ZNF184: variants seen among roughly 807,000 people sequenced by gnomAD.
ZNF184 encodes zinc finger protein 184.
A neutral mutation model predicts 54.4 loss-of-function variants in ZNF184; 16 were observed. The observed-to-expected ratio is 0.29, with a 90% CI of 0.20 to 0.45. The LOEUF (loss-of-function observed/expected upper bound fraction) is 0.45, where lower values mean the gene tolerates loss of function less well. ZNF184 is among the 20% of genes least tolerant of loss of function. The probability of loss-of-function intolerance (pLI) is 1.00; values close to 1 mark genes in which losing one functional copy is unlikely to be tolerated. For missense variants in ZNF184, 681 were observed against 888.2 expected, an observed-to-expected ratio of 0.77 and a Z score of 2.97; for synonymous variants, 254 against 295.3, an observed-to-expected ratio of 0.86 and a Z score of 1.43.
the ZNF184 span, chr6:27,407,875 A>G: frequency 1.2e-6 from 1 of 821,344 alleles, no homozygotes; most frequent in Non-Finnish European, 2.2e-6. Flanking sequence ...AAAGGGAGTG[A>G]ACAGGCACCA....
At chr6:27,411,974 G>A in the ZNF184 span, among the ~76,000 whole-genome samples, 1 of 152,138 alleles carries the variant, frequency 6.6e-6, no homozygotes, top group African/African-American at 2.4e-5. Context: ...AGGAGCCTCT[G>A]GGCACTACTC....
At chr6:27,427,116 TAAAAAAAA>T in the ZNF184 span, among the ~76,000 whole-genome samples, 1 of 106,910 alleles carries the variant, frequency 9.4e-6, no homozygotes, top group Non-Finnish European at 1.8e-5. Context: ...ACACTCTATG[TAAAAAAAA>T]AAAAAAAAAA....
At chr6:27,455,483 T>C (rs530415798) in intron 5 of ZNF184, among the ~76,000 whole-genome samples, 76 of 152,344 alleles carry the variant, frequency 5.0e-4, no homozygotes, top group South Asian at 1.5e-3. Flanking sequence ...TAATAAAACT[T>C]GACAACTTGC....
the ZNF184 span, among the ~76,000 whole-genome samples, chr6:27,417,416 C>A: frequency 6.6e-6 from 1 of 151,546 alleles, no homozygotes; most frequent in African/African-American, 2.4e-5. Flanking sequence ...TTTCAGGGTT[C>A]CAGGGATGTT....
rs145998198 is a variant in ZNF184, at chr6:27,472,453, G to T, written c.-139-20C>A. On this transcript the variant is annotated intron_variant, in intron 1 of 5. Transcript: ENST00000683788. The surrounding 1 kb of genome is among the most constrained non-coding windows in gnomAD (Gnocchi z 4.8). ...TCTACCCTAAAAGACACAGGATGGC[G>T]TCAGCAGCATACGTCACACAATCAC... 6.3e-3 allele frequency: 5,268 copies of T among 830,750 alleles called. 98 individuals carry two copies. The highest frequency in any genetic ancestry group is 0.011 in the Middle Eastern group (43 of 3,872). The allele number at this position is 830,750 out of a possible 1,614,324, so 51.5% of individuals were successfully genotyped here.
At chr6:27,464,370 T>TG (rs1763071131) in intron 3 of ZNF184, among the ~76,000 whole-genome samples, 3 of 151,928 alleles carry the variant, frequency 2.0e-5, no homozygotes, top group African/African-American at 4.8e-5. Flanking sequence ...AAAACTGTGG[T>TG]GGGGGGAATG....
At position 27,453,343 on chromosome 6, in the gene ZNF184, A is replaced by G; in HGVS notation, c.299-83T>C. ...GTGGGAATAATATAATGATACTGAA[A>G]AATAAATCTCTCAGAAAATTCTAAT... On this transcript the variant is annotated intron_variant, in intron 5 of 5. Transcript: ENST00000683788. The surrounding 1 kb of genome is among the most constrained non-coding windows in gnomAD (Gnocchi z 4.7). 2 of 1,319,606 alleles carry G rather than the reference A, an allele frequency of 1.5e-6. No homozygotes were observed. 81.7% of individuals were successfully genotyped at this position (1,319,606 alleles called of 1,614,324 possible).
Position 27,472,239 on chromosome 6 carries a change from T to C in ZNF184, c.7+49A>G, listed in dbSNP as rs1763294065. On this transcript the variant is annotated intron_variant, in intron 2 of 5. Coordinates refer to ENST00000683788, the MANE Select transcript of ZNF184 (RefSeq NM_001318891.2). The surrounding 1 kb of genome is among the most constrained non-coding windows in gnomAD (Gnocchi z 4.8). ...AAGTATTTGATACTCCAGTCATGACTGTTCTCAAGCCTCCATCACCCCGCT... is the reference window on the plus strand; with the variant it reads ...AAGTATTTGATACTCCAGTCATGACCGTTCTCAAGCCTCCATCACCCCGCT... 8 of 1,612,388 alleles carry C rather than the reference T, an allele frequency of 5.0e-6. No homozygotes were observed. The highest frequency in any genetic ancestry group is 6.8e-6 in the Non-Finnish European group (8 of 1,178,880).
At chr6:27,439,600 A>G in the ZNF184 span, among the ~76,000 whole-genome samples, 6 of 152,222 alleles carry the variant, frequency 3.9e-5, no homozygotes, top group African/African-American at 1.4e-4. Context: ...ATCTCATCAC[A>G]TAGGTATCTT....
At chr6:27,422,152 G>GAAAGAAAGAAAGAAAGAA in the ZNF184 span, among the ~76,000 whole-genome samples, 1 of 18,144 alleles carries the variant, frequency 5.5e-5, no homozygotes, top group East Asian at 1.1e-3. Flanking sequence ...AAAAAAAAAA[G>GAAAGAAAGAAAGAAAGAA]AAAGAAAGAA....
chr6:27,467,948 CTTCTGTTCAA>C, intron 2 of ZNF184, 28 bp from the exon 3 acceptor site: 1 of 1,540,320 alleles, frequency 6.5e-7, no homozygotes, highest in Non-Finnish European at 8.8e-7. Flanking sequence ...AGCCATATGA[CTTCTGTTCAA>C]TTTAGCCATT....
rs542893467 is a variant in ZNF184, at chr6:27,455,807, T to C, written c.298+1019A>G. ...TTCCCCCGTAAAGAAGAACCTCACC[T>C]ACATCCCATTAACTCTAGAGACGTA... On this transcript the variant is annotated intron_variant, in intron 5 of 5. Coordinates refer to ENST00000683788, the MANE Select transcript of ZNF184 (RefSeq NM_001318891.2). Among the ~76,000 whole-genome samples the C allele has an allele frequency of 1.4e-4, 22 of 152,306 alleles. No individual in the cohort carries two copies. The South Asian group carries it at 4.1e-3, about 29-fold the overall frequency.
At chr6:27,432,827 A>T in the ZNF184 span, among the ~76,000 whole-genome samples, 1 of 152,196 alleles carries the variant, frequency 6.6e-6, no homozygotes, top group Non-Finnish European at 1.5e-5. This position sits in a 1 kb window ranked among gnomAD's most constrained non-coding sequence, Gnocchi z 4.0. Flanking sequence ...ATTTGACAGA[A>T]GTGCCAGTGA....
intron 3 of ZNF184, among the ~76,000 whole-genome samples, chr6:27,465,069 G>A (rs4358616): frequency 0.65 from 94,134 of 144,168 alleles, 31,172 homozygotes; most frequent in Middle Eastern, 0.76. Context: ...ACATGAGGAG[G>A]TGGCACCATC....
At position 27,467,892 on chromosome 6, in the gene ZNF184, G is replaced by A. The variant is rs1260543469; in HGVS notation, c.36C>T (p.Leu12=). 6.2e-7 allele frequency: 1 copy of A among 1,612,166 alleles called. No homozygotes were observed. The change falls in exon 3 of 6, where the codon CTC becomes CTT. Residue 12 remains leucine (L), a synonymous_variant. Transcript: ENST00000683788. ...ATGAGAGTAGATTATGTCCCCCTTG[G>A]AGAAGGGTGGAGTCTGGAGAGGACA... ...EDLSSPDSTL[L]QGGHNLLSSA... is the part of the protein sequence containing the mutation.
the ZNF184 span, among the ~76,000 whole-genome samples, chr6:27,422,895 C>T: frequency 6.6e-6 from 1 of 152,166 alleles, no homozygotes; most frequent in Non-Finnish European, 1.5e-5. Context: ...CTCCCTCGTC[C>T]GCCGGATTCA....
chr6:27,470,283 AAAAAC>A (rs1424778675), intron 2 of ZNF184, among the ~76,000 whole-genome samples: 16 of 152,348 alleles, frequency 1.1e-4, no homozygotes, highest in Non-Finnish European at 1.3e-4. Context: ...AAAGAAAAAA[AAAAAC>A]AAAAGTAGCA....
At chr6:27,454,304 C>T (rs541929886) in intron 5 of ZNF184, among the ~76,000 whole-genome samples, 36 of 152,112 alleles carry the variant, frequency 2.4e-4, no homozygotes, top group African/African-American at 8.5e-4. Flanking sequence ...ATGAGCAGTG[C>T]GGCAGACCTC....
chr6:27,445,641 G>C, the ZNF184 span, among the ~76,000 whole-genome samples: 1 of 148,696 alleles, frequency 6.7e-6, no homozygotes, highest in Non-Finnish European at 1.5e-5. Flanking sequence ...CATGCATTTT[G>C]ACTTCTCAGC....
Sources: allele counts gnomAD v4.1 joint callset (sites outside exome capture counted in the v4.1 genomes callset), GRCh38; gene constraint gnomAD v4.1.1; non-coding constraint Gnocchi (gnomAD v3.1); transcripts MANE v1.5; gene names NCBI Gene and HGNC (gene_info 2026-07-23, HGNC 2026-07-21).